Variants in NBPF9 observed in about 807,000 individuals in gnomAD.
The protein encoded by NBPF9 is NBPF family member NBPF9.
In NBPF9, 91 loss-of-function variants were observed where a neutral mutation model predicts 97.8. The observed-to-expected ratio is 0.93, with a 90% confidence interval of 0.79 to 1.11. The LOEUF is 1.11. NBPF9 is among the 50% of genes least tolerant of loss of function. NBPF9 has a pLI of 0.00. For missense variants in NBPF9, 992 were observed against 939.5 expected (o/e 1.06, Z -0.73); for synonymous variants, 334 against 359.5 (o/e 0.93, Z 0.80).
chr1:149,062,390 T>A, intron 21 of NBPF9, 125 bp from the exon 22 acceptor site: 1 of 668,538 alleles, frequency 1.5e-6, no homozygotes, highest in Non-Finnish European at 2.7e-6. Context: ...ATTAATGAGG[T>A]AATGAATTAT....
In NBPF9 at chr1:149,060,857, G is replaced by T. The variant is rs1239779169; in HGVS notation, c.2304-162C>A. 13 of 412,984 alleles carry T rather than the reference G, an allele frequency of 3.1e-5. 6 individuals carry two copies. Among genetic ancestry groups the T allele is most frequent in the Non-Finnish European group, 5.4e-5 (13 of 242,854 alleles). The allele number at this position is 412,984 out of a possible 1,614,324, so 25.6% of individuals were successfully genotyped here. ...TGCCTTCATGTTGGGACACAACGGGGCCAAATGGAAAAGAATGAAAGAGAA... is the reference window on the plus strand; with the variant it reads ...TGCCTTCATGTTGGGACACAACGGGTCCAAATGGAAAAGAATGAAAGAGAA... On this transcript the variant is annotated intron_variant, in intron 23 of 29. Coordinates refer to ENST00000584027, the Ensembl canonical transcript of NBPF9.
At chr1:149,088,361 C>G (rs1456365528) in intron 5 of NBPF9, among the ~76,000 whole-genome samples, 1 of 151,916 alleles carries the variant, frequency 6.6e-6, no homozygotes, top group African/African-American at 2.4e-5. Context: ...ATAAAGACAG[C>G]TTCAATTCTT....
At chr1:149,102,916 G>A (rs1360151442) in intron 1 of NBPF9, 69 bp from the exon 2 acceptor site, 1 of 151,526 alleles carries the variant, frequency 6.6e-6, no homozygotes, top group African/African-American at 2.4e-5. Context: ...TCAGGGGCGC[G>A]AGTGGTCTCG....
At chr1:149,073,549 T>C (rs1176948331) in intron 13 of NBPF9, among the ~76,000 whole-genome samples, 3 of 147,678 alleles carry the variant, frequency 2.0e-5, no homozygotes, top group East Asian at 2.1e-4. Context: ...CAATTACTTG[T>C]TTGAAAAAGA....
Position 149,055,650 on chromosome 1 carries a change from G to A in NBPF9, c.*6C>T, listed in dbSNP as rs587619741. 190 of 1,611,748 alleles carry A rather than the reference G, an allele frequency of 1.2e-4. No homozygotes were observed. In the African/African-American group the frequency reaches 1.9e-3, roughly 16 times the overall value. The stretch of plus-strand genomic sequence containing the variant: ...GAATGACATCTCTCGGCTTAGTAAG[G>A]GCTGCTTATTGTGGGAATATGACTT... On this transcript the variant is annotated 3_prime_UTR_variant, in exon 30 of 30. Transcript: ENST00000584027.
chr1:149,097,492 G>C (rs1553662080), intron 4 of NBPF9, among the ~76,000 whole-genome samples: 1 of 152,336 alleles, frequency 6.6e-6, no homozygotes, highest in East Asian at 1.9e-4. Context: ...CTTCCCTGCT[G>C]CTCCTTGTCC....
downstream of NBPF9, among the ~76,000 whole-genome samples, chr1:149,052,236 A>G (rs1559511592): frequency 6.6e-6 from 1 of 151,982 alleles, no homozygotes; most frequent in South Asian, 2.1e-4. Context: ...TAAAGAAAAC[A>G]TTGATAAATT....
At chr1:149,101,923 CTTTTTTTTTTTTTTT>C (rs1229722249) in intron 2 of NBPF9, among the ~76,000 whole-genome samples, 1 of 80,676 alleles carries the variant, frequency 1.2e-5, no homozygotes, top group African/African-American at 5.1e-5. Flanking sequence ...ATTACCTGTA[CTTTTTTTTTTTTTTT>C]TTTTTTTGGA....
exon 7 of NBPF9, chr1:149,081,975 C>T (rs1223978465): frequency 6.9e-6 from 11 of 1,590,152 alleles, no homozygotes; most frequent in African/African-American, 1.4e-5. Context: ...TGTATTTCTT[C>T]TGTCGGTTGG....
chr1:149,101,885 TCTGTGG>T (rs2082164970), intron 2 of NBPF9, among the ~76,000 whole-genome samples: 1 of 149,738 alleles, frequency 6.7e-6, no homozygotes, highest in Non-Finnish European at 1.5e-5. Flanking sequence ...TATTTCTTGA[TCTGTGG>T]TGGTTCACTT....
chr1:149,062,718 C>T, intron 21 of NBPF9, 144 bp downstream of exon 21: 1 of 719,556 alleles, frequency 1.4e-6, no homozygotes, highest in Non-Finnish European at 2.5e-6. Context: ...TAAACATCTA[C>T]TGCAATGAAA....
In NBPF9 at chr1:149,059,323, C is replaced by T. The variant is rs1427752173; in HGVS notation, c.2586-226G>A. The stretch of plus-strand genomic sequence containing the variant: ...AGAGACAGAGACAGAGAGAAAGTGA[C>T]CTAGTGAATTGGCCGGGTGACACAC... On this transcript the variant is annotated intron_variant, in intron 25 of 29. Transcript: ENST00000584027. The T allele has an allele frequency of 8.4e-6, 4 of 475,530 alleles. 1 individual carries two copies. Among genetic ancestry groups the T allele is most frequent in the Non-Finnish European group, 7.8e-6 (2 of 257,320 alleles). 29.5% of individuals were successfully genotyped at this position (475,530 alleles called of 1,614,324 possible).
chr1:149,094,624 G>A (rs1172303701), intron 4 of NBPF9, among the ~76,000 whole-genome samples: 3 of 146,410 alleles, frequency 2.0e-5, no homozygotes, highest in Non-Finnish European at 4.4e-5. Context: ...TTAACAATGG[G>A]GGACTTTTAT....
chr1:149,101,079 T>C (rs372387235), intron 3 of NBPF9, among the ~76,000 whole-genome samples, 183 bp downstream of exon 3: 5 of 151,248 alleles, frequency 3.3e-5, no homozygotes, highest in Non-Finnish European at 7.4e-5. Context: ...TGATAAAGTA[T>C]AATTTCATTA....
At chr1:149,068,704 T>A (rs1282617511) in intron 17 of NBPF9, among the ~76,000 whole-genome samples, 1 of 147,166 alleles carries the variant, frequency 6.8e-6, no homozygotes, top group Non-Finnish European at 1.5e-5. Context: ...ACTGTCAATA[T>A]TAGACAGATC....
chr1:149,078,899 G>T, intron 9 of NBPF9, 108 bp downstream of exon 9: 1 of 1,589,004 alleles, frequency 6.3e-7, no homozygotes, highest in African/African-American at 1.3e-5. Flanking sequence ...CCACATATGT[G>T]TAGCAGAAAA....
At chr1:149,098,560 T>C (rs1399752772) in exon 4 of NBPF9, 141 of 1,460,982 alleles carry the variant, frequency 9.7e-5, no homozygotes, top group Admixed American at 1.1e-4. Flanking sequence ...ACAGTGGGAA[T>C]TGGTGGCACC....
chr1:149,103,405 C>T (rs2082282912), exon 1 of NBPF9: 1 of 152,354 alleles, frequency 6.6e-6, no homozygotes, highest in Non-Finnish European at 1.5e-5. Flanking sequence ...GTCGCCCGTC[C>T]CGCGTTCCCA....
At chr1:149,084,471 G>C (rs2080824516) in intron 5 of NBPF9, among the ~76,000 whole-genome samples, 1 of 147,516 alleles carries the variant, frequency 6.8e-6, no homozygotes, top group African/African-American at 2.5e-5. Flanking sequence ...CGGAGCGAGG[G>C]CTACTGCACA....
Sources: allele counts gnomAD v4.1 joint callset (sites outside exome capture counted in the v4.1 genomes callset), GRCh38; gene constraint gnomAD v4.1.1; transcripts MANE v1.5; gene names NCBI Gene and HGNC (gene_info 2026-07-23, HGNC 2026-07-21).